Variants in LRP2 observed in about 807,000 individuals in gnomAD.
The protein encoded by LRP2 is LDL receptor related protein 2, also known as low-density lipoprotein receptor-related protein 2.
In LRP2, 172 loss-of-function variants were observed where a neutral mutation model predicts 531.0. The observed-to-expected ratio is 0.32, with a 90% CI of 0.29 to 0.37. The LOEUF is 0.37. Ranked by LOEUF, LRP2 falls within the 10% of genes least tolerant of loss-of-function variation. The probability of loss-of-function intolerance (pLI) is 1.00; values close to 1 mark genes in which losing one functional copy is unlikely to be tolerated. For missense variants in LRP2, 5,167 were observed against 5,868.3 expected (o/e 0.88, Z 3.90); for synonymous variants, 1,992 against 2,027.6 (o/e 0.98, Z 0.47).
intron 45 of LRP2, among the ~76,000 whole-genome samples, chr2:169,197,957 T>C (rs1330792903): frequency 1.3e-5 from 2 of 152,234 alleles, no homozygotes; most frequent in Non-Finnish European, 2.9e-5. Context: ...CACTAAATCC[T>C]TAAATTATGT....
chr2:169,243,917 T>C (rs1286325075), intron 22 of LRP2, among the ~76,000 whole-genome samples: 2 of 152,114 alleles, frequency 1.3e-5, no homozygotes, highest in Admixed American at 1.3e-4. Flanking sequence ...AGCAACAGTG[T>C]GTAGACAGAC....
At position 169,182,275 on chromosome 2, in the gene LRP2, G is replaced by C. The variant is rs1184222864; in HGVS notation, c.9890C>G (p.Ser3297Cys). 6.2e-7 allele frequency: 1 copy of C among 1,614,082 alleles called. No homozygotes were observed. Residue 3297 changes from serine to cysteine, a missense_variant, in exon 51 of 79, where the codon TCT becomes TGT. Ser to Cys is a moderately radical substitution (Grantham distance 112). Transcript: ENST00000649046. ...LDARLDGLFV[S>C]DLNGGHRRML... ...GCGGCGGTGTCCACCATTGAGGTCA[G>C]AGACAAAGAGGCCATCCAGGCGGGC...
chr2:169,356,040 A>T (rs34038476), intron 1 of LRP2, among the ~76,000 whole-genome samples: 36,106 of 151,962 alleles, frequency 0.24, 4,885 homozygotes, highest in Non-Finnish European at 0.3. Flanking sequence ...ACAAGGGCAC[A>T]CCACCATTCC....
intron 1 of LRP2, among the ~76,000 whole-genome samples, chr2:169,361,120 G>A (rs1686136754): frequency 6.6e-6 from 1 of 152,120 alleles, no homozygotes; most frequent in South Asian, 2.1e-4. Flanking sequence ...GAAGGAGCAG[G>A]AGGGGAAAGG....
intron 46 of LRP2, among the ~76,000 whole-genome samples, 179 bp from the exon 47 acceptor site, chr2:169,194,071 A>G (rs1360978641): frequency 6.6e-6 from 1 of 152,218 alleles, no homozygotes; most frequent in Non-Finnish European, 1.5e-5. Flanking sequence ...TTGAGGTAAA[A>G]GTAGTCAACT....
chr2:169,163,143 T>C (rs1475698252), intron 62 of LRP2, among the ~76,000 whole-genome samples: 1 of 152,188 alleles, frequency 6.6e-6, no homozygotes, highest in African/African-American at 2.4e-5. Flanking sequence ...GTGGAGATCA[T>C]GTTATGCAAA....
chr2:169,274,433 G>GA (rs1407371538), intron 14 of LRP2, among the ~76,000 whole-genome samples: 8 of 152,056 alleles, frequency 5.3e-5, no homozygotes, highest in African/African-American at 1.4e-4. Context: ...AAAATAAAAA[G>GA]AAAAAATCAC....
At chr2:169,227,001 T>C (rs2105362360) in intron 31 of LRP2, among the ~76,000 whole-genome samples, 1 of 152,170 alleles carries the variant, frequency 6.6e-6, no homozygotes, top group African/African-American at 2.4e-5. Flanking sequence ...AAAAAATCAT[T>C]GAGACTATTC....
intron 14 of LRP2, 144 bp downstream of exon 14, chr2:169,274,892 G>A (rs1683511677): frequency 5.0e-6 from 4 of 801,256 alleles, no homozygotes; most frequent in Non-Finnish European, 8.5e-6. Context: ...GTTTCAGAGA[G>A]TTTAACACTC....
Position 169,300,503 on chromosome 2 carries a change from C to T in LRP2, c.428-5793G>A, listed in dbSNP as rs535429758. On this transcript the variant is annotated intron_variant, in intron 4 of 78. Transcript: ENST00000649046. ...AATTTTTTTAAAGAAAGAAACAGGA[C>T]GAGGGTAAACGGAAACAGCCATTAA... 4.0e-4 allele frequency among the ~76,000 whole-genome samples: 61 copies of T among 151,954 alleles called. 1 individual carries two copies. The highest frequency in any genetic ancestry group is 1.7e-3 in the South Asian group (8 of 4,812).
chr2:169,267,275 T>C (rs1359632323), intron 16 of LRP2, among the ~76,000 whole-genome samples: 1 of 152,120 alleles, frequency 6.6e-6, no homozygotes, highest in Admixed American at 6.6e-5. Flanking sequence ...CTTACATAAC[T>C]ATCCACCCCA....
intron 60 of LRP2, among the ~76,000 whole-genome samples, chr2:169,169,180 CAT>C (rs1424260549): frequency 1.3e-5 from 2 of 152,200 alleles, no homozygotes; most frequent in Non-Finnish European, 2.9e-5. Context: ...AAAAGGAAGA[CAT>C]AAGAAACTCC....
intron 78 of LRP2, 79 bp downstream of exon 78, chr2:169,128,934 C>A: frequency 1.3e-6 from 2 of 1,537,486 alleles, no homozygotes; most frequent in South Asian, 1.1e-5. Context: ...TCAGAATAAT[C>A]TAAGTGTGTG....
rs2302691 is a variant in LRP2, at chr2:169,244,874, G to T, written c.3249C>A (p.His1083Gln). Residue 1083 changes from histidine to glutamine, a missense_variant, in exon 22 of 79, where the codon CAC becomes CAA. Physicochemically the swap from His to Gln is conservative, Grantham distance 24 (BLOSUM62 0). Coordinates refer to ENST00000649046, the MANE Select transcript of LRP2 (RefSeq NM_004525.3). ...AGTCGTTGCGTTTGTCACAGCGCCA[G>T]TGTGCAGGAATGCACTCCCCATGGC... Reference protein sequence around the residue: ...TCGHGECIPAHWRCDKRNDCV... With the variant: ...TCGHGECIPAQWRCDKRNDCV... 8.9e-5 allele frequency: 144 copies of T among 1,614,144 alleles called. 1 individual carries two copies. The East Asian group carries it at 3.2e-3, about 36-fold the overall frequency.
At chr2:169,130,251 A>T (rs564841502) in intron 77 of LRP2, among the ~76,000 whole-genome samples, 22 of 151,586 alleles carry the variant, frequency 1.5e-4, no homozygotes, top group African/African-American at 5.3e-4. Flanking sequence ...GATCCTATGC[A>T]TATCAATGTA....
chr2:169,317,720 A>C (rs1684801792), intron 3 of LRP2, among the ~76,000 whole-genome samples: 2 of 152,220 alleles, frequency 1.3e-5, no homozygotes, highest in African/African-American at 4.8e-5. Context: ...GGAATGATAC[A>C]TGTGATAGAC....
chr2:169,338,210 G>T (rs976507495), intron 1 of LRP2, among the ~76,000 whole-genome samples: 27 of 144,458 alleles, frequency 1.9e-4, no homozygotes, highest in African/African-American at 6.7e-4. Flanking sequence ...AGAAAGAAAA[G>T]AAAGGAAGAA....
chr2:169,143,755 G>T (rs1373253647), intron 70 of LRP2, among the ~76,000 whole-genome samples: 1 of 152,162 alleles, frequency 6.6e-6, no homozygotes, highest in African/African-American at 2.4e-5. Flanking sequence ...AGCTCCCTAG[G>T]TAAGTCTAGA....
At chr2:169,183,962 G>C (rs569700735) in intron 50 of LRP2, among the ~76,000 whole-genome samples, 2 of 152,026 alleles carry the variant, frequency 1.3e-5, no homozygotes, top group Non-Finnish European at 2.9e-5. Flanking sequence ...ACTGAGCCTG[G>C]TTGTGCACCC....
Sources: gnomAD v4.1 joint callset for allele counts (sites outside exome capture counted in the v4.1 genomes callset) on GRCh38, gnomAD v4.1.1 for gene constraint, MANE v1.5 for transcripts, NCBI Gene and HGNC (gene_info 2026-07-23, HGNC 2026-07-21) for gene names.